MAP4: variants seen among roughly 807,000 people sequenced by gnomAD.
The protein encoded by MAP4 is microtubule-associated protein 4.
In MAP4, 76 loss-of-function variants were observed where a neutral mutation model predicts 170.2. That is an observed-to-expected ratio of 0.45 (90% CI 0.37 to 0.54). MAP4 has a LOEUF of 0.54. Among genes scored for constraint, MAP4 ranks in the 20% least tolerant of loss-of-function variants. The pLI is 0.00. For missense variants in MAP4, 2,506 were observed against 2,748.0 expected, an observed-to-expected ratio of 0.91 and a Z score of 1.97; for synonymous variants, 909 against 994.5, an observed-to-expected ratio of 0.91 and a Z score of 1.62.
intron 3 of MAP4, among the ~76,000 whole-genome samples, chr3:47,953,587 AG>A (rs911773252): frequency 6.6e-6 from 1 of 152,200 alleles, no homozygotes; most frequent in African/African-American, 2.4e-5. Flanking sequence ...GAGATGCCAA[AG>A]TTTCCCTAGC....
chr3:47,902,595 AC>A (rs2100030663), intron 10 of MAP4, among the ~76,000 whole-genome samples: 1 of 143,412 alleles, frequency 7.0e-6, no homozygotes, highest in African/African-American at 2.6e-5. Flanking sequence ...AACTGCTTGA[AC>A]CCAGGAGCCA....
chr3:47,989,798 G>T (rs887778149), intron 2 of MAP4, among the ~76,000 whole-genome samples: 5 of 152,082 alleles, frequency 3.3e-5, no homozygotes, highest in Non-Finnish European at 7.3e-5. Context: ...TAATTCAAAA[G>T]ATGCTATAAT....
At chr3:47,903,854 A>C (rs965927310) in intron 9 of MAP4, among the ~76,000 whole-genome samples, 5 of 152,250 alleles carry the variant, frequency 3.3e-5, no homozygotes, top group African/African-American at 1.2e-4. Flanking sequence ...GTACATGTAA[A>C]TAAATCAAAC....
chr3:48,011,605 T>C (rs2100105280), intron 1 of MAP4, among the ~76,000 whole-genome samples: 1 of 152,030 alleles, frequency 6.6e-6, no homozygotes, highest in African/African-American at 2.4e-5. Context: ...GTGACCCATT[T>C]ACAACAGACG....
At chr3:47,903,619 C>T (rs992033653) in intron 9 of MAP4, among the ~76,000 whole-genome samples, 1 of 151,356 alleles carries the variant, frequency 6.6e-6, no homozygotes, top group Non-Finnish European at 1.5e-5. Flanking sequence ...CCTGGAAGAA[C>T]ATGCATAGTA....
intron 1 of MAP4, among the ~76,000 whole-genome samples, chr3:48,073,302 CACAA>C (rs2100141964): frequency 8.8e-6 from 1 of 113,538 alleles, no homozygotes. Flanking sequence ...CACACACACA[CACAA>C]ATTAGCATTA....
chr3:47,896,309 C>T (rs1305270725), intron 10 of MAP4, among the ~76,000 whole-genome samples: 1 of 152,162 alleles, frequency 6.6e-6, no homozygotes, highest in African/African-American at 2.4e-5. Context: ...GCGGGAGGAT[C>T]ACCTGAGGTT....
At chr3:48,014,011 G>C (rs545395187) in intron 1 of MAP4, among the ~76,000 whole-genome samples, 11 of 152,284 alleles carry the variant, frequency 7.2e-5, no homozygotes, top group African/African-American at 2.2e-4. Flanking sequence ...ACTAAGGCAA[G>C]AGGCAACTAC....
At chr3:48,030,610 C>A (rs1289110955) in intron 1 of MAP4, among the ~76,000 whole-genome samples, 1 of 151,176 alleles carries the variant, frequency 6.6e-6, no homozygotes, top group Non-Finnish European at 1.5e-5. Context: ...ACCAGCCTGA[C>A]CAACATGATT....
At chr3:47,877,866 C>A in intron 10 of MAP4, 1 of 162,028 alleles carries the variant, frequency 6.2e-6, no homozygotes, top group Non-Finnish European at 1.3e-5. Flanking sequence ...AGCAATAGGA[C>A]AAAAACCTCT....
Position 47,911,053 on chromosome 3 carries a change from G to A in MAP4, c.3368C>T (p.Ser1123Phe). The change falls in exon 9 of 21, where the codon TCT (serine) becomes TTT (phenylalanine). Residue 1123 changes from serine to phenylalanine, a missense_variant. By Grantham distance (155) the Ser-to-Phe change is radical (BLOSUM62 -2). This residue lies in a region of MAP4 where 2,008 missense variants were observed against 2,206.0 expected (regional missense o/e 0.91). Coordinates refer to ENST00000683076, the MANE Select transcript of MAP4 (RefSeq NM_001385682.1). The surrounding 1 kb of genome is among the most constrained non-coding windows in gnomAD (Gnocchi z 4.0). The part of the protein sequence containing the change: ...QDKSEELGLN[S>F]SKQPGTKADL... ...AGCCTTAGTGCCTGGTTGCTTTGAA[G>A]AATTCAGCCCCAGCTCCTCACTCTT... is the stretch of plus-strand genomic sequence containing the variant. 1.3e-6 allele frequency: 2 copies of A among 1,536,188 alleles called. No individual in the cohort carries two copies. Among genetic ancestry groups the A allele is most frequent in the Non-Finnish European group, 8.7e-7 (1 of 1,146,916 alleles).
At chr3:48,053,655 G>A (rs1299445031) in intron 1 of MAP4, among the ~76,000 whole-genome samples, 3 of 152,080 alleles carry the variant, frequency 2.0e-5, no homozygotes, top group Non-Finnish European at 2.9e-5. Context: ...TCTGAACTAT[G>A]AGATTCATGT....
At chr3:48,069,814 T>C (rs1221270137) in intron 1 of MAP4, among the ~76,000 whole-genome samples, 1 of 152,208 alleles carries the variant, frequency 6.6e-6, no homozygotes. Flanking sequence ...CTAAAGCAAC[T>C]GGCTATATCA....
intron 17 of MAP4, among the ~76,000 whole-genome samples, chr3:47,859,034 C>T (rs1243603194): frequency 6.6e-6 from 1 of 152,106 alleles, no homozygotes; most frequent in Non-Finnish European, 1.5e-5. Context: ...GAGGCTGAGG[C>T]AGGAGAATGG....
chr3:47,978,575 C>A lies in MAP4; in HGVS notation c.224-642G>T, dbSNP rs2154277134. 1.3e-5 allele frequency among the ~76,000 whole-genome samples: 2 copies of A among 152,256 alleles called. 1 individual carries two copies. The highest frequency in any genetic ancestry group is 4.1e-4 in the South Asian group (2 of 4,826). On this transcript the variant is annotated intron_variant, in intron 2 of 20. Transcript: ENST00000683076. Reference sequence around the variant, plus strand: ...CAGGTGATTCACCGCCTTGGCCTCCCAAAGTGCTGAGATTACAGATGTGAG... The same window carrying A: ...CAGGTGATTCACCGCCTTGGCCTCCAAAAGTGCTGAGATTACAGATGTGAG...
At chr3:47,956,986 C>T (rs1275176290) in intron 3 of MAP4, among the ~76,000 whole-genome samples, 3 of 152,154 alleles carry the variant, frequency 2.0e-5, no homozygotes, top group Admixed American at 1.3e-4. Flanking sequence ...AAGTTGATTA[C>T]GCTGGACTTC....
At chr3:47,880,540 A>T (rs2152635857) in intron 10 of MAP4, among the ~76,000 whole-genome samples, 1 of 140,854 alleles carries the variant, frequency 7.1e-6, no homozygotes, top group South Asian at 2.2e-4. Flanking sequence ...ATCACAGCTC[A>T]CTGCCACCTG....
chr3:47,960,132 G>A (rs181859114), intron 3 of MAP4, among the ~76,000 whole-genome samples: 1 of 152,298 alleles, frequency 6.6e-6, no homozygotes, highest in African/African-American at 2.4e-5. Flanking sequence ...CAAAGTGCTG[G>A]GATTACAGGT....
chr3:47,863,672 C>G (rs2072827446), intron 17 of MAP4, among the ~76,000 whole-genome samples: 1 of 152,010 alleles, frequency 6.6e-6, no homozygotes, highest in East Asian at 1.9e-4. Context: ...TGCACAGCCC[C>G]TTGCAAGGGT....
Sources: gnomAD v4.1 joint callset for allele counts (sites outside exome capture counted in the v4.1 genomes callset) on GRCh38, gnomAD v4.1.1 for gene constraint, gnomAD v4.1.1 regional missense constraint, Gnocchi (gnomAD v3.1) non-coding constraint, MANE v1.5 for transcripts, NCBI Gene and HGNC (gene_info 2026-07-23, HGNC 2026-07-21) for gene names.